Variants in PIK3C2A observed in about 807,000 individuals in gnomAD.
PIK3C2A encodes the protein phosphatidylinositol 4-phosphate 3-kinase C2 domain-containing subunit alpha.
PIK3C2A carries 97 observed loss-of-function variants against 204.5 expected under a neutral mutation model. That is an observed-to-expected ratio of 0.47 (90% CI 0.40 to 0.56). The LOEUF is 0.56. Ranked by LOEUF, PIK3C2A falls within the 20% of genes least tolerant of loss-of-function variation. The pLI, the probability that PIK3C2A is intolerant of heterozygous loss-of-function variation, is 0.00. For synonymous variants in PIK3C2A, 653 were observed against 664.4 expected (o/e 0.98, Z 0.26); for missense variants, 1,735 against 1,969.2 (o/e 0.88, Z 2.25).
rs1851095079 is a variant in PIK3C2A at position 17,169,676 on chromosome 11, T to C, written c.66A>G (p.Arg22=). Residue 22 remains arginine (R), a synonymous_variant, in exon 2 of 33, where the codon AGA becomes AGG. Coordinates refer to ENST00000691414, the MANE Select transcript of PIK3C2A (RefSeq NM_002645.4). The part of the protein sequence containing the change: ...ECPSSHPEPT[R]AKDVDKEEAL... ...CTTCTTCTTTGTCCACATCTTTTGC[T>C]CTTGTTGGTTCCGGATGTGAAGATG... 4 of 1,611,896 alleles carry C rather than the reference T, an allele frequency of 2.5e-6. No homozygotes were observed. Among genetic ancestry groups the C allele is most frequent in the Non-Finnish European group, 2.5e-6 (3 of 1,179,994 alleles).
chr11:17,117,533 T>G lies in PIK3C2A; in HGVS notation c.3174A>C (p.Gly1058=), dbSNP rs1849235948. 6.2e-7 allele frequency: 1 copy of G among 1,613,842 alleles called. No homozygotes were observed. The highest frequency in any genetic ancestry group is 1.3e-5 in the African/African-American group (1 of 75,012). The change falls in exon 19 of 33, where the codon GGA becomes GGC. Residue 1058 remains glycine (G), a synonymous_variant. Coordinates refer to ENST00000691414, the MANE Select transcript of PIK3C2A (RefSeq NM_002645.4). ...KQTKLVQLLG[G]VAEKVRQASG... Reference sequence around the variant, plus strand: ...TAGCCTGCCTTACTTTTTCTGCTACTCCTCCTAAAAGCTGTACAAGTTTCG... The same window carrying G: ...TAGCCTGCCTTACTTTTTCTGCTACGCCTCCTAAAAGCTGTACAAGTTTCG...
chr11:17,094,106 T>C (rs531446718), intron 28 of PIK3C2A, among the ~76,000 whole-genome samples, 155 bp downstream of exon 28: 1 of 152,366 alleles, frequency 6.6e-6, no homozygotes, highest in African/African-American at 2.4e-5. Flanking sequence ...TCCTTGTTTA[T>C]GTCTGCTTTT....
chr11:17,089,996 C>T (rs970688490), intron 32 of PIK3C2A, 76 bp from the exon 33 acceptor site: 1 of 1,125,090 alleles, frequency 8.9e-7, no homozygotes, highest in Non-Finnish European at 1.3e-6. Flanking sequence ...CAAGTGAAAA[C>T]GTGAGAATAT....
chr11:17,137,394 T>C (rs1359487314), intron 8 of PIK3C2A, among the ~76,000 whole-genome samples: 1 of 150,422 alleles, frequency 6.6e-6, no homozygotes, highest in Non-Finnish European at 1.5e-5. Flanking sequence ...GGTCATGCCA[T>C]TCTCCTATAT....
intron 20 of PIK3C2A, 71 bp downstream of exon 20, chr11:17,114,290 A>C: frequency 1.2e-6 from 1 of 809,234 alleles, no homozygotes. Flanking sequence ...TGCCTTAAGC[A>C]TACCTGCCCA....
At chr11:17,092,708 A>G (rs1848344047) in intron 28 of PIK3C2A, among the ~76,000 whole-genome samples, 1 of 152,144 alleles carries the variant, frequency 6.6e-6, no homozygotes, top group South Asian at 2.1e-4. Context: ...TCTTCAAAGT[A>G]TTGGAGATGA....
rs774411369 is a variant in PIK3C2A at position 17,088,048 on chromosome 11, G to A, written c.*1690C>T. 2.6e-5 allele frequency: 4 copies of A among 152,032 alleles called. No homozygotes were observed. Among genetic ancestry groups the A allele is most frequent in the Non-Finnish European group, 5.9e-5 (4 of 68,022 alleles). The allele number at this position is 152,032 out of a possible 1,614,324, so 9.4% of individuals were successfully genotyped here. On this transcript the variant is annotated 3_prime_UTR_variant, in exon 33 of 33. Coordinates refer to ENST00000691414, the MANE Select transcript of PIK3C2A (RefSeq NM_002645.4). ...TTCTGTTCTGGGAAACTGAATTGGCGATTGTCCTTTCTCTCTTGGTATTCT... is the reference window on the plus strand; with the variant it reads ...TTCTGTTCTGGGAAACTGAATTGGCAATTGTCCTTTCTCTCTTGGTATTCT...
At chr11:17,107,225 A>C (rs896832022) in intron 22 of PIK3C2A, among the ~76,000 whole-genome samples, 4 of 152,204 alleles carry the variant, frequency 2.6e-5, no homozygotes, top group African/African-American at 4.8e-5. Flanking sequence ...AGGCAGGAGA[A>C]TGGCATGAAC....
At chr11:17,146,303 T>A (rs1481224271) in intron 6 of PIK3C2A, among the ~76,000 whole-genome samples, 10 of 151,446 alleles carry the variant, frequency 6.6e-5, no homozygotes, top group Admixed American at 6.6e-4. Context: ...CAGATGGAGG[T>A]CATTTAAATT....
chr11:17,093,834 G>A (rs1201756983), intron 28 of PIK3C2A, among the ~76,000 whole-genome samples: 2 of 151,690 alleles, frequency 1.3e-5, no homozygotes, highest in Non-Finnish European at 2.9e-5. Context: ...ATGGGGTTTC[G>A]CCATGGTGCC....
chr11:17,202,703 T>C (rs944137619), intron 1 of PIK3C2A, among the ~76,000 whole-genome samples: 1 of 152,238 alleles, frequency 6.6e-6, no homozygotes, highest in Non-Finnish European at 1.5e-5. Context: ...ACTTGCTGTA[T>C]TTACCTCACA....
chr11:17,131,171 A>G (rs1322688646), intron 12 of PIK3C2A, among the ~76,000 whole-genome samples: 1 of 152,138 alleles, frequency 6.6e-6, no homozygotes, highest in East Asian at 1.9e-4. Flanking sequence ...CTGGGCAACA[A>G]GGGCAAAACT....
rs533601690 is a variant in PIK3C2A at position 17,096,954 on chromosome 11, G to A, written c.4326+103C>T. The A allele has an allele frequency of 7.3e-6, 5 of 686,602 alleles. No homozygotes were observed. In the South Asian group the frequency reaches 9.2e-5, roughly 13 times the overall value. 42.5% of individuals were successfully genotyped at this position (686,602 alleles called of 1,614,324 possible). On this transcript the variant is annotated intron_variant, in intron 27 of 32. Transcript: ENST00000691414. ...GACCATTCATGAAAGAAACAAGCATGAATAGAACAAATGCTTGCAACTTTA... is the reference window on the plus strand; with the variant it reads ...GACCATTCATGAAAGAAACAAGCATAAATAGAACAAATGCTTGCAACTTTA...
intron 22 of PIK3C2A, among the ~76,000 whole-genome samples, chr11:17,107,147 A>C (rs1848849576): frequency 6.6e-6 from 1 of 152,068 alleles, no homozygotes; most frequent in Admixed American, 6.6e-5. Context: ...CCCCATCTCT[A>C]CTAAAAGTAC....
intron 23 of PIK3C2A, 100 bp from the exon 24 acceptor site, chr11:17,102,931 T>C (rs1429853825): frequency 4.2e-6 from 3 of 720,432 alleles, no homozygotes; most frequent in African/African-American, 3.6e-5. Context: ...AAAAACACTA[T>C]TGTAATCCAC....
intron 30 of PIK3C2A, 61 bp downstream of exon 30, chr11:17,091,935 T>C (rs907029123): frequency 9.8e-6 from 10 of 1,019,584 alleles, no homozygotes; most frequent in Admixed American, 1.7e-5. Flanking sequence ...ACCACATTCA[T>C]CGAGAAGTTA....
chr11:17,197,133 G>A (rs1182011138), intron 1 of PIK3C2A, among the ~76,000 whole-genome samples: 11 of 152,048 alleles, frequency 7.2e-5, no homozygotes, highest in African/African-American at 1.2e-4. Flanking sequence ...CGATCCTCCC[G>A]CCTCAGCCTC....
intron 28 of PIK3C2A, among the ~76,000 whole-genome samples, chr11:17,093,138 G>C (rs2137263531): frequency 6.6e-6 from 1 of 152,258 alleles, no homozygotes; most frequent in African/African-American, 2.4e-5. Context: ...TTGAAATCTA[G>C]TCTGAAGAAA....
At chr11:17,145,828 C>T (rs747780709) in intron 7 of PIK3C2A, 35 bp downstream of exon 7, 1 of 1,594,656 alleles carries the variant, frequency 6.3e-7, no homozygotes, top group East Asian at 2.2e-5. Context: ...AAAACAAAGT[C>T]TGAAAACCTG....
Sources: allele counts gnomAD v4.1 joint callset (sites outside exome capture counted in the v4.1 genomes callset), GRCh38; gene constraint gnomAD v4.1.1; transcripts MANE v1.5; gene names NCBI Gene and HGNC (gene_info 2026-07-23, HGNC 2026-07-21).